The following UXS1 variants were observed in gnomAD, a reference collection of about 807,000 sequenced individuals.
UXS1 encodes UDP-glucuronic acid decarboxylase 1.
A neutral mutation model predicts 62.6 loss-of-function variants in UXS1; 33 were observed. The observed-to-expected ratio is 0.53, with a 90% CI of 0.40 to 0.70. UXS1 has a LOEUF of 0.70. UXS1 is among the 30% of genes least tolerant of loss of function. The probability of loss-of-function intolerance (pLI) is 0.00; values close to 1 mark genes in which losing one functional copy is unlikely to be tolerated. For missense variants in UXS1, 434 were observed against 556.3 expected (o/e 0.78, Z 2.21); for synonymous variants, 213 against 206.8 (o/e 1.03, Z -0.26).
At chr2:106,193,798 T>TC (rs1685090601) in intron 1 of UXS1, among the ~76,000 whole-genome samples, 2 of 150,042 alleles carry the variant, frequency 1.3e-5, no homozygotes, top group South Asian at 4.2e-4. Flanking sequence ...CGCTCCGGAG[T>TC]CCCCGACCGG....
intron 9 of UXS1, 46 bp downstream of exon 9, chr2:106,122,924 G>A: frequency 6.2e-7 from 1 of 1,605,330 alleles, no homozygotes; most frequent in Non-Finnish European, 8.5e-7. Flanking sequence ...CTGAGGTCAG[G>A]GTGCTCAGCA....
chr2:106,138,547 C>T (rs1257583204), intron 6 of UXS1: 12 of 985,388 alleles, frequency 1.2e-5, no homozygotes, highest in African/African-American at 1.7e-5. Flanking sequence ...TACCCCTCCA[C>T]GGTGCTCTGG....
intron 2 of UXS1, 117 bp downstream of exon 2, chr2:106,165,939 C>T (rs1236543289): frequency 1.0e-6 from 1 of 960,148 alleles, no homozygotes; most frequent in African/African-American, 1.7e-5. Flanking sequence ...TAGCAAGAAC[C>T]CACTTTTGTT....
At chr2:106,116,685 G>T (rs1363525871) in intron 9 of UXS1, among the ~76,000 whole-genome samples, 2 of 152,182 alleles carry the variant, frequency 1.3e-5, no homozygotes, top group Non-Finnish European at 2.9e-5. Context: ...ACACTACTAG[G>T]TATGGTTTGC....
At chr2:106,171,466 T>C (rs955761715) in intron 1 of UXS1, among the ~76,000 whole-genome samples, 1 of 152,222 alleles carries the variant, frequency 6.6e-6, no homozygotes, top group Non-Finnish European at 1.5e-5. Context: ...ACATGTGAAA[T>C]TGTGTGTTCA....
At chr2:106,154,442 G>A (rs28750217) in intron 5 of UXS1, among the ~76,000 whole-genome samples, 49,273 of 152,118 alleles carry the variant, frequency 0.32, 8,473 homozygotes, top group Non-Finnish European at 0.38. Flanking sequence ...GGATTAGGGT[G>A]GGACTTTAAT....
chr2:106,104,848 A>G lies in UXS1; in HGVS notation c.880-11T>C. On this transcript the variant is annotated splice_polypyrimidine_tract_variant and intron_variant, in intron 10 of 14. Transcript: ENST00000283148. ...CCCGGATCCGTATACCTGGAAGGAA[A>G]CCAACAGTTAGGCCTCCTGATAAAA... is the stretch of plus-strand genomic sequence containing the variant. The G allele has an allele frequency of 6.2e-7, 1 of 1,613,940 alleles. No homozygotes were observed. Among genetic ancestry groups the G allele is most frequent in the Non-Finnish European group, 8.5e-7 (1 of 1,179,870 alleles).
intron 1 of UXS1, among the ~76,000 whole-genome samples, chr2:106,179,871 G>A (rs11685157): frequency 0.037 from 5,621 of 152,272 alleles, 152 homozygotes; most frequent in Non-Finnish European, 0.059. Context: ...ACTTTGGGAG[G>A]CTGAGGCAGG....
intron 6 of UXS1, among the ~76,000 whole-genome samples, chr2:106,131,565 G>C (rs373415207): frequency 3.7e-4 from 1 of 2,682 alleles, no homozygotes; most frequent in African/African-American, 1.4e-3. Context: ...ATCTGAGAAC[G>C]GGCAGACTGC....
At chr2:106,193,546 C>T (rs1685068149) in intron 1 of UXS1, among the ~76,000 whole-genome samples, 2 of 152,128 alleles carry the variant, frequency 1.3e-5, no homozygotes, top group African/African-American at 2.4e-5. Flanking sequence ...GCCTGCTTCG[C>T]CCGGCCGCCG....
At chr2:106,158,036 C>G in intron 5 of UXS1, 22 bp downstream of exon 5, 4 of 1,536,886 alleles carry the variant, frequency 2.6e-6, no homozygotes, top group Non-Finnish European at 3.5e-6. Flanking sequence ...ATTACAAATA[C>G]TATTCAGGTG....
intron 9 of UXS1, among the ~76,000 whole-genome samples, chr2:106,119,273 G>A (rs951466814): frequency 6.6e-6 from 1 of 152,128 alleles, no homozygotes; most frequent in Non-Finnish European, 1.5e-5. Flanking sequence ...GCTCACTCAC[G>A]CTTCTTTACC....
intron 1 of UXS1, among the ~76,000 whole-genome samples, chr2:106,168,308 GT>G (rs139790971): frequency 0.04 from 6,041 of 152,292 alleles, 221 homozygotes; most frequent in African/African-American, 0.089. Context: ...CGCCATGACA[GT>G]TTACAAATGC....
intron 6 of UXS1, among the ~76,000 whole-genome samples, chr2:106,143,356 C>G (rs1681280572): frequency 8.1e-6 from 1 of 123,540 alleles, no homozygotes; most frequent in African/African-American, 3.1e-5. Context: ...TTGCAATGAG[C>G]TGAGATCGTG....
At chr2:106,169,776 C>T (rs138133248) in intron 1 of UXS1, among the ~76,000 whole-genome samples, 1 of 152,288 alleles carries the variant, frequency 6.6e-6, no homozygotes, top group Non-Finnish European at 1.5e-5. Context: ...GCCACCCATC[C>T]CAGACACCTT....
Position 106,143,408 on chromosome 2 carries a change from C to CAAAAAAAAAAAAAAAAAAAA in UXS1, c.472+1762_472+1781dup, listed in dbSNP as rs60493984. Among the ~76,000 whole-genome samples, 7 of 38,654 alleles carry CAAAAAAAAAAAAAAAAAAAA rather than the reference C, an allele frequency of 1.8e-4. 1 individual carries two copies. Among genetic ancestry groups the CAAAAAAAAAAAAAAAAAAAA allele is most frequent in the Admixed American group, 3.5e-4 (1 of 2,844 alleles). 25.4% of individuals were successfully genotyped at this position (38,654 alleles called of 152,430 possible). A position where few individuals can be genotyped will look rare whatever the true frequency, so the allele number is the denominator to read the frequency against. On this transcript the variant is annotated intron_variant, in intron 6 of 14. Transcript: ENST00000283148. ...TGGGCAACAGAGAGAGACTCCGTCTCAAAAAAAAAAAAAAAAAAAAAAAAA... is the reference window on the plus strand; with the variant it reads ...TGGGCAACAGAGAGAGACTCCGTCTCAAAAAAAAAAAAAAAAAAAAAAAAAAAAAAAAAAAAAAAAAAAAA...
chr2:106,143,848 CT>C, intron 6 of UXS1, among the ~76,000 whole-genome samples: 1 of 152,220 alleles, frequency 6.6e-6, no homozygotes, highest in East Asian at 1.9e-4. Flanking sequence ...ACCTCTCCAG[CT>C]TCCCTTCTGC....
chr2:106,183,697 C>T (rs1188139134), intron 1 of UXS1: 1 of 152,254 alleles, frequency 6.6e-6, no homozygotes, highest in East Asian at 1.9e-4. Flanking sequence ...CACACACCCA[C>T]ACCTTTTTTC....
rs1244171864 is a variant in UXS1, at chr2:106,166,079, A to G, written c.99T>C (p.Val33=). ...GIALLAYVAS[V]WGNFVNMSFL... Reference sequence around the variant, plus strand: ...ACCTCATATTAACGAAGTTGCCCCAAACAGCTGTAAGAGAAAGAAAAAAGG... The same window carrying G: ...ACCTCATATTAACGAAGTTGCCCCAGACAGCTGTAAGAGAAAGAAAAAAGG... The change falls in exon 2 of 15, where the codon GTT becomes GTC. Residue 33 remains valine, a synonymous_variant. Transcript: ENST00000283148. 6.2e-7 allele frequency: 1 copy of G among 1,610,992 alleles called. No individual in the cohort carries two copies. The highest frequency in any genetic ancestry group is 1.3e-5 in the African/African-American group (1 of 74,818).
Sources: allele counts gnomAD v4.1 joint callset (sites outside exome capture counted in the v4.1 genomes callset), GRCh38; gene constraint gnomAD v4.1.1; transcripts MANE v1.5; gene names NCBI Gene and HGNC (gene_info 2026-07-23, HGNC 2026-07-21).